MEIG1: variants seen among roughly 807,000 people sequenced by gnomAD.
The protein encoded by MEIG1 is meiosis expressed gene 1 protein homolog.
MEIG1 carries 12 observed loss-of-function variants against 11.3 expected under a neutral mutation model. The ratio of observed to expected loss-of-function variants is 1.07; its 90% confidence interval spans 0.68 to 1.73. The LOEUF (loss-of-function observed/expected upper bound fraction) is 1.73. Ranked by LOEUF, MEIG1 falls within the 40% of genes most tolerant of loss-of-function variation. The probability of loss-of-function intolerance (pLI) is 0.00; values close to 1 mark genes in which losing one functional copy is unlikely to be tolerated. For missense variants in MEIG1, 119 were observed against 104.9 expected (o/e 1.13, Z -0.59); for synonymous variants, 41 against 33.2 (o/e 1.24, Z -0.81).
intron 1 of MEIG1, among the ~76,000 whole-genome samples, chr10:14,960,659 C>G (rs1419387716): frequency 1.3e-5 from 2 of 151,866 alleles, no homozygotes; most frequent in Non-Finnish European, 2.9e-5. Flanking sequence ...ACCTCGTGAT[C>G]CACCCGCCTC....
intron 2 of MEIG1, among the ~76,000 whole-genome samples, chr10:14,972,136 C>G (rs1843158108): frequency 6.6e-6 from 1 of 151,874 alleles, no homozygotes. Flanking sequence ...TGCCTCAGCC[C>G]CCTGAGTACC....
intron 1 of MEIG1, among the ~76,000 whole-genome samples, chr10:14,984,750 G>A (rs1843301257): frequency 6.6e-6 from 1 of 152,042 alleles, no homozygotes; most frequent in South Asian, 2.1e-4. Flanking sequence ...ATGTCACAGA[G>A]GTTGTACACC....
In MEIG1 at chr10:14,978,474, T is replaced by C. The variant is rs147246064; in HGVS notation, n.66+5854T>C. ...TCGTAATACTCTAGGGAGATGTTAC[T>C]CCTAATGTGATATCACAGGGGTGCA... On this transcript the variant is annotated intron_variant and non_coding_transcript_variant, in intron 1 of 2. Transcript: ENST00000467536. 1.9e-3 allele frequency among the ~76,000 whole-genome samples: 289 copies of C among 151,990 alleles called. 3 individuals carry two copies. The highest frequency in any genetic ancestry group is 6.6e-3 in the African/African-American group (273 of 41,442).
chr10:14,974,378 A>G (rs2131276763), downstream of MEIG1, among the ~76,000 whole-genome samples: 1 of 152,290 alleles, frequency 6.6e-6, no homozygotes, highest in African/African-American at 2.4e-5. Flanking sequence ...CAAATCAATT[A>G]GGGCTTGTGG....
rs1842986269 is a variant in MEIG1 at position 14,959,503 on chromosome 10, C to G, written c.-84C>G. On this transcript the variant is annotated 5_prime_UTR_variant, in exon 1 of 3. Coordinates refer to ENST00000407572, the MANE Select transcript of MEIG1 (RefSeq NM_001080836.3). ...GCCCGCCTGCAAGCTCCCGGGCGCC[C>G]CCGGCCTCTCCTGCTCGGCGGAACG... 1 of 152,546 alleles carries G rather than the reference C, an allele frequency of 6.6e-6. No individual in the cohort carries two copies. The allele number at this position is 152,546 out of a possible 1,614,324, so 9.4% of individuals were successfully genotyped here.
upstream of MEIG1, among the ~76,000 whole-genome samples, chr10:14,958,926 C>T (rs1467751769): frequency 6.6e-6 from 1 of 151,830 alleles, no homozygotes; most frequent in Non-Finnish European, 1.5e-5. Context: ...AACAAAAAAC[C>T]GTATATCTTG....
chr10:14,980,442 G>A (rs1386138698), intron 1 of MEIG1, among the ~76,000 whole-genome samples: 3 of 152,096 alleles, frequency 2.0e-5, no homozygotes, highest in Admixed American at 1.3e-4. Flanking sequence ...GATATCATTT[G>A]TGATATTTTA....
At chr10:14,978,146 A>G (rs1843230255) in intron 1 of MEIG1, among the ~76,000 whole-genome samples, 1 of 151,862 alleles carries the variant, frequency 6.6e-6, no homozygotes, top group Admixed American at 6.6e-5. Flanking sequence ...GTTACTCCTA[A>G]TATCACACCC....
At chr10:14,975,827 C>T (rs1843204136), downstream of MEIG1, among the ~76,000 whole-genome samples, 1 of 152,090 alleles carries the variant, frequency 6.6e-6, no homozygotes, top group Admixed American at 6.6e-5. Context: ...GTCCTAATTT[C>T]AACATGGGAG....
rs138687285 is a variant in MEIG1, at chr10:14,972,162, C to G, written c.139-351C>G. On this transcript the variant is annotated intron_variant, in intron 2 of 2. Coordinates refer to ENST00000407572, the MANE Select transcript of MEIG1 (RefSeq NM_001080836.3). ...CCTGAGTACCTGGGATTATAGGCAC[C>G]TACCACCACACCCAGCTAATTTTTG... is the stretch of plus-strand genomic sequence containing the variant. Among the ~76,000 whole-genome samples, 20 of 152,090 alleles carry G rather than the reference C, an allele frequency of 1.3e-4. No individual in the cohort carries two copies. The East Asian group carries it at 3.3e-3, about 25-fold the overall frequency.
At chr10:14,968,598 G>T (rs1160963105) in intron 2 of MEIG1, among the ~76,000 whole-genome samples, 1 of 152,102 alleles carries the variant, frequency 6.6e-6, no homozygotes, top group Non-Finnish European at 1.5e-5. Flanking sequence ...TTAATTTAAT[G>T]ACATTATTGT....
chr10:14,974,436 CAG>C (rs1843189260), downstream of MEIG1, among the ~76,000 whole-genome samples: 2 of 152,040 alleles, frequency 1.3e-5, no homozygotes, highest in South Asian at 2.1e-4. Flanking sequence ...AGAAGGTCGG[CAG>C]AGGTGAAGGC....
intron 2 of MEIG1, among the ~76,000 whole-genome samples, chr10:14,971,093 A>G (rs544558403): frequency 1.8e-4 from 27 of 152,146 alleles, no homozygotes; most frequent in South Asian, 8.3e-4. Flanking sequence ...ACAAGAAGGA[A>G]TGGTAGGAGA....
At position 14,966,512 on chromosome 10, in the gene MEIG1, A is replaced by G; in HGVS notation, c.44A>G (p.Lys15Arg). 1 of 1,612,750 alleles carries G rather than the reference A, an allele frequency of 6.2e-7. No homozygotes were observed. The highest frequency in any genetic ancestry group is 8.5e-7 in the Non-Finnish European group (1 of 1,179,396). Reference protein sequence around the residue: ...DVKPKSVSHAKKWSEEIENLY... With the variant: ...DVKPKSVSHARKWSEEIENLY... ...AAACCAAAATCAGTAAGTCATGCCA[A>G]AAAATGGTCAGAAGAGATAGAAAAT... The change falls in exon 2 of 3, where the codon AAA becomes AGA. Residue 15 changes from lysine (K) to arginine (R), a missense_variant. Transcript: ENST00000407572.
intron 2 of MEIG1, among the ~76,000 whole-genome samples, chr10:14,969,804 C>A (rs1342185970): frequency 2.0e-5 from 3 of 152,172 alleles, no homozygotes; most frequent in African/African-American, 7.2e-5. Flanking sequence ...CCACTGCACT[C>A]CAGCCTGGGC....
chr10:14,980,720 G>A (rs12240987), intron 1 of MEIG1, among the ~76,000 whole-genome samples: 8,016 of 152,180 alleles, frequency 0.053, 697 homozygotes, highest in African/African-American at 0.18. Context: ...ACGCCTCACC[G>A]AAGATGGTGG....
rs376582113 is a variant in MEIG1 at position 14,961,769 on chromosome 10, C to T, written c.-30+2212C>T. Among the ~76,000 whole-genome samples the T allele has an allele frequency of 4.0e-5, 6 of 149,104 alleles. No homozygotes were observed. The East Asian group carries it at 5.9e-4, about 15-fold the overall frequency. ...TGCTGGGATTACAGGCGTGAGCCAC[C>T]GCACATGGCCAAAACGTTTATTTTT... On this transcript the variant is annotated intron_variant, in intron 1 of 2. Coordinates refer to ENST00000407572, the MANE Select transcript of MEIG1 (RefSeq NM_001080836.3).
At chr10:14,975,869 C>T (rs571196971), downstream of MEIG1, among the ~76,000 whole-genome samples, 28 of 152,220 alleles carry the variant, frequency 1.8e-4, no homozygotes, top group East Asian at 9.7e-4. Context: ...CCGCTGGGGG[C>T]AGAAACACTC....
At chr10:14,976,724 C>A (rs6602785), downstream of MEIG1, among the ~76,000 whole-genome samples, 93,840 of 151,342 alleles carry the variant, frequency 0.62, 29,439 homozygotes, top group Admixed American at 0.73. Context: ...CAGTGATGTT[C>A]CATGTAATAT....
Sources: gnomAD v4.1 joint callset for allele counts (sites outside exome capture counted in the v4.1 genomes callset) on GRCh38, gnomAD v4.1.1 for gene constraint, MANE v1.5 for transcripts, NCBI Gene and HGNC (gene_info 2026-07-23, HGNC 2026-07-21) for gene names.